The following DSCAM variants were observed in gnomAD, a reference collection of about 807,000 sequenced individuals.
DSCAM encodes the protein cell adhesion molecule DSCAM.
In DSCAM, 47 loss-of-function variants were observed where a neutral mutation model predicts 217.7. That is an observed-to-expected ratio of 0.22 (90% confidence interval 0.17 to 0.28). The LOEUF (loss-of-function observed/expected upper bound fraction) is 0.28, where lower values mean the gene tolerates loss of function less well. DSCAM is among the 10% of genes least tolerant of loss of function. The pLI, the probability that DSCAM is intolerant of heterozygous loss-of-function variation, is 1.00. For synonymous variants in DSCAM, 1,056 were observed against 1,015.3 expected, an observed-to-expected ratio of 1.04 and a Z score of -0.76; for missense variants, 2,080 against 2,618.3, an observed-to-expected ratio of 0.79 and a Z score of 4.49.
chr21:40,430,534 G>A (rs1050698746), intron 3 of DSCAM, among the ~76,000 whole-genome samples: 2 of 152,198 alleles, frequency 1.3e-5, no homozygotes, highest in African/African-American at 2.4e-5. Context: ...TTTGGGACTC[G>A]AACTGGCTCT....
intron 3 of DSCAM, among the ~76,000 whole-genome samples, chr21:40,420,234 A>C (rs2123816498): frequency 6.6e-6 from 1 of 152,282 alleles, no homozygotes; most frequent in East Asian, 1.9e-4. Flanking sequence ...TTTCATTTTT[A>C]AAGTAAGTCT....
intron 11 of DSCAM, among the ~76,000 whole-genome samples, chr21:40,231,285 C>T (rs1569013093): frequency 6.6e-6 from 1 of 151,928 alleles, no homozygotes; most frequent in African/African-American, 2.4e-5. Context: ...CTCACTCTCA[C>T]TCCAGTCCAC....
intron 32 of DSCAM, among the ~76,000 whole-genome samples, chr21:40,036,233 T>G (rs2088620276): frequency 6.7e-6 from 1 of 148,646 alleles, no homozygotes; most frequent in African/African-American, 2.6e-5. Flanking sequence ...AGGAGCTGGT[T>G]TTTTGAAAGG....
chr21:40,261,798 C>G (rs543285900), intron 11 of DSCAM, among the ~76,000 whole-genome samples: 8 of 151,920 alleles, frequency 5.3e-5, no homozygotes, highest in Admixed American at 2.6e-4. Flanking sequence ...TCTGGAGAAC[C>G]CTGACAAATA....
At chr21:40,426,529 G>T (rs1383612799) in intron 3 of DSCAM, among the ~76,000 whole-genome samples, 1 of 152,188 alleles carries the variant, frequency 6.6e-6, no homozygotes, top group Admixed American at 6.5e-5. Flanking sequence ...ATTGTTAAAG[G>T]TTCATAATGT....
Position 40,811,262 on chromosome 21 carries a change from G to A in DSCAM, c.43+35357C>T, listed in dbSNP as rs73903024. Among the ~76,000 whole-genome samples, 1,217 of 152,256 alleles carry A rather than the reference G, an allele frequency of 8.0e-3. 17 individuals are homozygous for A. Among genetic ancestry groups the A allele is most frequent in the African/African-American group, 0.028 (1,160 of 41,546 alleles). On this transcript the variant is annotated intron_variant, in intron 1 of 32. Coordinates refer to ENST00000400454, the MANE Select transcript of DSCAM (RefSeq NM_001389.5). ...ATATTTAAATACAAACAGACTTTTCGAGGGTGTTATATATTAGCCAGAACC... is the reference window on the plus strand; with the variant it reads ...ATATTTAAATACAAACAGACTTTTCAAGGGTGTTATATATTAGCCAGAACC...
At chr21:40,679,052 C>T (rs544285662) in intron 3 of DSCAM, among the ~76,000 whole-genome samples, 15 of 152,308 alleles carry the variant, frequency 9.8e-5, no homozygotes, top group East Asian at 1.9e-4. Flanking sequence ...AACGGCATCA[C>T]GTAGGAGATG....
intron 16 of DSCAM, among the ~76,000 whole-genome samples, chr21:40,147,928 G>C (rs538575984): frequency 1.7e-3 from 259 of 151,970 alleles, no homozygotes; most frequent in African/African-American, 6.1e-3. Flanking sequence ...TAGTTTCTCT[G>C]TTTCTAAGTT....
At chr21:40,350,806 T>G (rs1317414291) in intron 5 of DSCAM, among the ~76,000 whole-genome samples, 2 of 149,166 alleles carry the variant, frequency 1.3e-5, no homozygotes, top group Non-Finnish European at 3.0e-5. Flanking sequence ...CAACAGAGAG[T>G]CCCTGAGATT....
chr21:40,714,229 T>C (rs1465389372), intron 1 of DSCAM, among the ~76,000 whole-genome samples: 2 of 152,146 alleles, frequency 1.3e-5, no homozygotes, highest in Non-Finnish European at 2.9e-5. Context: ...CAGCAGAGAC[T>C]GTCCACTAGA....
At chr21:40,339,683 G>A (rs1421810826) in intron 6 of DSCAM, among the ~76,000 whole-genome samples, 1 of 50,096 alleles carries the variant, frequency 2.0e-5, no homozygotes, top group Non-Finnish European at 5.3e-5. Flanking sequence ...AGATGTTCAG[G>A]TTAAACAATG....
At chr21:40,380,896 T>C (rs1313295863) in intron 3 of DSCAM, among the ~76,000 whole-genome samples, 1 of 151,554 alleles carries the variant, frequency 6.6e-6, no homozygotes, top group Non-Finnish European at 1.5e-5. Flanking sequence ...ACCCCGTCTC[T>C]ACTAAAAATG....
intron 8 of DSCAM, among the ~76,000 whole-genome samples, chr21:40,313,619 A>G (rs2074164568): frequency 2.6e-5 from 4 of 152,034 alleles, no homozygotes; most frequent in Non-Finnish European, 5.9e-5. Context: ...TTAGTTATTT[A>G]TTGCTTTACT....
chr21:40,124,614 G>T (rs1017166905), intron 19 of DSCAM, among the ~76,000 whole-genome samples: 1 of 152,124 alleles, frequency 6.6e-6, no homozygotes, highest in African/African-American at 2.4e-5. Context: ...AAAAGGGCCA[G>T]TTTGGACACA....
At chr21:40,077,552 G>A (rs1476039674) in intron 26 of DSCAM, among the ~76,000 whole-genome samples, 2 of 152,060 alleles carry the variant, frequency 1.3e-5, no homozygotes, top group African/African-American at 4.8e-5. Flanking sequence ...TTAATAAAGC[G>A]GCCTCCCAAA....
At chr21:40,436,629 C>G (rs73217019) in intron 3 of DSCAM, among the ~76,000 whole-genome samples, 34,483 of 152,104 alleles carry the variant, frequency 0.23, 3,957 homozygotes, top group Admixed American at 0.28. Context: ...GGCAGAACAC[C>G]AGTTCTGTGG....
At chr21:40,536,465 C>T (rs6517599) in intron 3 of DSCAM, among the ~76,000 whole-genome samples, 149,182 of 150,156 alleles carry the variant, frequency 0.99, 74,109 homozygotes, top group African/African-American at 1. Context: ...GCAGTGGCGC[C>T]ATCTCGGCTC....
At chr21:40,229,787 C>T (rs1005800184) in intron 11 of DSCAM, among the ~76,000 whole-genome samples, 11 of 152,162 alleles carry the variant, frequency 7.2e-5, no homozygotes, top group East Asian at 3.8e-4. Context: ...TTGGCAATTA[C>T]GAACAAAGCT....
At position 40,774,962 on chromosome 21, in the gene DSCAM, A is replaced by T. The variant is rs1222596561; in HGVS notation, c.44-66191T>A. ...AGGAATGAAAATGAGCAAAATTATT[A>T]TGTAATAATTATATAACATATAATT... On this transcript the variant is annotated intron_variant, in intron 1 of 32. Transcript: ENST00000400454. Among the ~76,000 whole-genome samples, 4 of 124,830 alleles carry T rather than the reference A, an allele frequency of 3.2e-5. No homozygotes were observed. The Admixed American group carries it at 3.5e-4, about 11-fold the overall frequency. 81.9% of individuals were successfully genotyped at this position (124,830 alleles called of 152,430 possible).
Sources: gnomAD v4.1 joint callset for allele counts (sites outside exome capture counted in the v4.1 genomes callset) on GRCh38, gnomAD v4.1.1 for gene constraint, MANE v1.5 for transcripts, NCBI Gene and HGNC (gene_info 2026-07-23, HGNC 2026-07-21) for gene names.